The following SUMF1 variants were observed in gnomAD, a reference collection of about 807,000 sequenced individuals.
SUMF1 encodes the protein formylglycine-generating enzyme.
Under a neutral mutation model 47.6 loss-of-function variants are expected in SUMF1, and 48 were observed. The observed-to-expected ratio is 1.01, with a 90% CI of 0.80 to 1.28. SUMF1 has a LOEUF of 1.28. SUMF1 is among the 50% of genes most tolerant of loss of function. The pLI, the probability that SUMF1 is intolerant of heterozygous loss-of-function variation, is 0.00. For missense variants in SUMF1, 571 were observed against 485.4 expected (o/e 1.18, Z -1.66); for synonymous variants, 230 against 192.1 (o/e 1.20, Z -1.63).
At chr3:4,191,990 G>A (rs1305812928) in intron 8 of SUMF1, among the ~76,000 whole-genome samples, 2 of 152,114 alleles carry the variant, frequency 1.3e-5, no homozygotes, top group Admixed American at 6.6e-5. Context: ...GAGAGGAGGT[G>A]ATGTTTAGCT....
chr3:4,317,176 C>G, intron 8 of SUMF1: 1 of 1,550,010 alleles, frequency 6.5e-7, no homozygotes, highest in Non-Finnish European at 8.7e-7. Context: ...GATTTTTACG[C>G]TACAGGAATA....
At chr3:4,076,850 A>C (rs1457151928) in intron 8 of SUMF1, among the ~76,000 whole-genome samples, 3 of 151,912 alleles carry the variant, frequency 2.0e-5, no homozygotes, top group Non-Finnish European at 4.4e-5. Flanking sequence ...TTAGAATACA[A>C]AAAATTAGAC....
At chr3:4,068,595 A>G in exon 9 of SUMF1, 1 of 399,388 alleles carries the variant, frequency 2.5e-6, no homozygotes. Flanking sequence ...AACTTGCCAC[A>G]TGTCAAACGT....
At chr3:4,329,388 T>C (rs752762426) in intron 8 of SUMF1, among the ~76,000 whole-genome samples, 1 of 152,220 alleles carries the variant, frequency 6.6e-6, no homozygotes, top group Non-Finnish European at 1.5e-5. Flanking sequence ...CTCTGAAATA[T>C]AGGTGGAGGT....
At chr3:4,253,959 AC>A (rs1176045089) in intron 8 of SUMF1, among the ~76,000 whole-genome samples, 1 of 150,370 alleles carries the variant, frequency 6.7e-6, no homozygotes, top group Non-Finnish European at 1.5e-5. Flanking sequence ...CTGACCCCTG[AC>A]CCCCGAGCAG....
At chr3:4,153,297 G>A (rs1178305386) in intron 8 of SUMF1, among the ~76,000 whole-genome samples, 1 of 151,322 alleles carries the variant, frequency 6.6e-6, no homozygotes, top group Non-Finnish European at 1.5e-5. Flanking sequence ...CTGCAGCCTC[G>A]AACTCCTGGA....
intron 8 of SUMF1, among the ~76,000 whole-genome samples, chr3:4,095,210 T>C (rs1026315276): frequency 7.2e-5 from 11 of 152,146 alleles, no homozygotes; most frequent in African/African-American, 2.7e-4. Flanking sequence ...GTAGACTGTA[T>C]CTATGGTCCT....
chr3:4,381,380 T>C (rs536857559), intron 7 of SUMF1, among the ~76,000 whole-genome samples: 1 of 152,208 alleles, frequency 6.6e-6, no homozygotes, highest in East Asian at 1.9e-4. Flanking sequence ...ACAAATCGGG[T>C]GCAGTGTGCA....
intron 8 of SUMF1, among the ~76,000 whole-genome samples, chr3:4,368,226 A>G (rs9757752): frequency 0.029 from 4,470 of 152,356 alleles, 204 homozygotes; most frequent in African/African-American, 0.1. Context: ...GCCAAAAGAC[A>G]CATGAAAAAA....
chr3:4,361,072 C>G (rs536280471), downstream of SUMF1: 1 of 152,102 alleles, frequency 6.6e-6, no homozygotes, highest in South Asian at 2.1e-4. Flanking sequence ...AAATAAAACA[C>G]GCATATCACA....
At chr3:4,441,468 C>A (rs1702585027) in intron 3 of SUMF1, among the ~76,000 whole-genome samples, 1 of 152,118 alleles carries the variant, frequency 6.6e-6, no homozygotes, top group Admixed American at 6.5e-5. Context: ...CCAAAACCAT[C>A]CCCTCCCCTG....
chr3:4,046,946 C>T (rs1217229265), intron 9 of SUMF1, among the ~76,000 whole-genome samples: 8 of 152,092 alleles, frequency 5.3e-5, no homozygotes, highest in Admixed American at 4.6e-4. Context: ...AAACCCTACA[C>T]ATTTTGCCTC....
chr3:4,252,454 C>T (rs1696825514), intron 8 of SUMF1, among the ~76,000 whole-genome samples: 1 of 152,024 alleles, frequency 6.6e-6, no homozygotes, highest in African/African-American at 2.4e-5. Flanking sequence ...ATAAAATAAT[C>T]TCTAAATAGA....
intron 8 of SUMF1, among the ~76,000 whole-genome samples, chr3:4,238,280 G>C (rs753127394): frequency 1.3e-5 from 2 of 152,048 alleles, no homozygotes; most frequent in African/African-American, 2.4e-5. Flanking sequence ...ATATTCCTTT[G>C]GGTATATACC....
chr3:4,072,346 A>G (rs1242188574), intron 8 of SUMF1, among the ~76,000 whole-genome samples: 2 of 152,234 alleles, frequency 1.3e-5, no homozygotes, highest in African/African-American at 4.8e-5. Context: ...ATCAAAGACC[A>G]AAAGTAGATA....
chr3:4,145,863 C>T (rs971831588), intron 8 of SUMF1, among the ~76,000 whole-genome samples: 3 of 152,164 alleles, frequency 2.0e-5, no homozygotes, highest in Admixed American at 6.5e-5. Context: ...TTCATCTCTT[C>T]CTTTTCCCCC....
intron 8 of SUMF1, among the ~76,000 whole-genome samples, chr3:4,208,866 CAGAAAGAGA>C (rs1695712940): frequency 6.6e-6 from 1 of 152,074 alleles, no homozygotes; most frequent in Admixed American, 6.5e-5. Context: ...ATGGGAATAT[CAGAAAGAGA>C]AGAAAGAGAT....
intron 8 of SUMF1, among the ~76,000 whole-genome samples, chr3:4,262,798 C>T (rs1396979105): frequency 2.0e-5 from 3 of 152,130 alleles, no homozygotes; most frequent in Non-Finnish European, 4.4e-5. Flanking sequence ...TGAGAGGATC[C>T]TCCTAGATGT....
chr3:4,137,040 C>A (rs1693950232), intron 8 of SUMF1, among the ~76,000 whole-genome samples: 1 of 152,026 alleles, frequency 6.6e-6, no homozygotes, highest in African/African-American at 2.4e-5. Flanking sequence ...TAAACTAGTT[C>A]AACCATTGTG....
Sources: allele counts gnomAD v4.1 joint callset (sites outside exome capture counted in the v4.1 genomes callset), GRCh38; gene constraint gnomAD v4.1.1; transcripts MANE v1.5; gene names NCBI Gene and HGNC (gene_info 2026-07-23, HGNC 2026-07-21).